The following CDH10 variants were observed in gnomAD, a reference collection of about 807,000 sequenced individuals.
CDH10 encodes cadherin-10.
Under a neutral mutation model 73.1 loss-of-function variants are expected in CDH10, and 30 were observed. The observed-to-expected ratio is 0.41, with a 90% CI of 0.31 to 0.56. CDH10 has a LOEUF of 0.56. Ranked by LOEUF, CDH10 falls within the 20% of genes least tolerant of loss-of-function variation. The pLI is 0.27. For synonymous variants in CDH10, 345 were observed against 348.2 expected, an observed-to-expected ratio of 0.99 and a Z score of 0.10; for missense variants, 815 against 973.7, an observed-to-expected ratio of 0.84 and a Z score of 2.17.
intron 5 of CDH10, among the ~76,000 whole-genome samples, chr5:24,521,319 C>T (rs188810008): frequency 8.5e-5 from 13 of 152,154 alleles, no homozygotes; most frequent in South Asian, 2.1e-4. Flanking sequence ...CCGAGGTGGG[C>T]GGATCACCTG....
At chr5:24,572,401 A>T (rs1320862060) in intron 2 of CDH10, among the ~76,000 whole-genome samples, 1 of 152,142 alleles carries the variant, frequency 6.6e-6, no homozygotes, top group African/African-American at 2.4e-5. Context: ...AGATAGCCGG[A>T]AGCTATCTGC....
At chr5:24,556,906 CTATA>C (rs1455603724) in intron 2 of CDH10, among the ~76,000 whole-genome samples, 2 of 151,578 alleles carry the variant, frequency 1.3e-5, no homozygotes, top group Admixed American at 1.3e-4. Flanking sequence ...AAAAGTATTT[CTATA>C]TATATTCCCA....
Position 24,563,636 on chromosome 5 carries a change from G to A in CDH10, c.232-25962C>T, listed in dbSNP as rs11738017. ...AAAAAAATTAGCCGGCGTGGTGGCC[G>A]GCAGGCGCCTGTGGTCCCAGCTACT... On this transcript the variant is annotated intron_variant, in intron 2 of 11. Transcript: ENST00000264463. 3.8e-3 allele frequency among the ~76,000 whole-genome samples: 551 copies of A among 145,586 alleles called. 4 individuals carry two copies. Among genetic ancestry groups the A allele is most frequent in the African/African-American group, 0.012 (501 of 40,102 alleles).
intron 2 of CDH10, among the ~76,000 whole-genome samples, chr5:24,582,992 TGTA>T (rs879743274): frequency 6.6e-6 from 1 of 152,140 alleles, no homozygotes; most frequent in Non-Finnish European, 1.5e-5. Flanking sequence ...GGTTTCTACT[TGTA>T]GTCATATTTC....
intron 2 of CDH10, among the ~76,000 whole-genome samples, chr5:24,541,825 T>C (rs1180471656): frequency 6.6e-6 from 1 of 152,118 alleles, no homozygotes; most frequent in Non-Finnish European, 1.5e-5. Context: ...GTGTTCCTTG[T>C]AAATTCACAA....
intron 2 of CDH10, among the ~76,000 whole-genome samples, chr5:24,570,730 G>T (rs1745346231): frequency 6.6e-6 from 1 of 151,920 alleles, no homozygotes; most frequent in East Asian, 1.9e-4. Flanking sequence ...AAAACTGTCT[G>T]TATGAAATAT....
At chr5:24,607,060 T>C (rs1201794418) in intron 1 of CDH10, among the ~76,000 whole-genome samples, 1 of 152,172 alleles carries the variant, frequency 6.6e-6, no homozygotes, top group Non-Finnish European at 1.5e-5. Flanking sequence ...GAACTTTATT[T>C]CCTCAGCTTG....
intron 2 of CDH10, among the ~76,000 whole-genome samples, chr5:24,541,524 A>AAGAG (rs1222420624): frequency 1.3e-5 from 2 of 152,064 alleles, no homozygotes; most frequent in African/African-American, 4.8e-5. Context: ...TATTGAACGA[A>AAGAG]AGAGTTTACA....
At chr5:24,493,580 G>T (rs915990490) in intron 9 of CDH10, among the ~76,000 whole-genome samples, 1 of 151,802 alleles carries the variant, frequency 6.6e-6, no homozygotes, top group African/African-American at 2.4e-5. Flanking sequence ...TCAGATCACT[G>T]CTTTGGACAT....
chr5:24,497,380 C>T (rs1173959428), intron 9 of CDH10, among the ~76,000 whole-genome samples: 2 of 151,536 alleles, frequency 1.3e-5, no homozygotes, highest in African/African-American at 2.4e-5. Flanking sequence ...ATTTTTGGGG[C>T]GTGCACTGTT....
chr5:24,586,213 C>T (rs1208348742), intron 2 of CDH10, among the ~76,000 whole-genome samples: 2 of 152,022 alleles, frequency 1.3e-5, no homozygotes, highest in Non-Finnish European at 2.9e-5. Flanking sequence ...CATTTAATAG[C>T]TTTATGTAAT....
intron 5 of CDH10, among the ~76,000 whole-genome samples, chr5:24,521,194 T>C (rs763419939): frequency 6.6e-6 from 1 of 152,118 alleles, no homozygotes; most frequent in Non-Finnish European, 1.5e-5. Context: ...ACGGCTAATG[T>C]TGGAGTCATC....
chr5:24,631,444 A>C (rs943208240), intron 1 of CDH10, among the ~76,000 whole-genome samples: 19 of 152,054 alleles, frequency 1.2e-4, no homozygotes, highest in Non-Finnish European at 1.9e-4. Flanking sequence ...ATTAAGAAAA[A>C]TATATTTCAG....
chr5:24,620,781 C>T (rs1430346725), intron 1 of CDH10, among the ~76,000 whole-genome samples: 3 of 151,916 alleles, frequency 2.0e-5, no homozygotes, highest in African/African-American at 7.3e-5. Flanking sequence ...GGTGCCCATA[C>T]CAGTCTGTAT....
At chr5:24,493,274 T>G (rs1742131354) in intron 9 of CDH10, among the ~76,000 whole-genome samples, 2 of 151,960 alleles carry the variant, frequency 1.3e-5, no homozygotes, top group African/African-American at 4.8e-5. Context: ...TTTAGGAAAT[T>G]ATTGTGACTA....
At chr5:24,492,172 T>C (rs1448958808) in intron 10 of CDH10, among the ~76,000 whole-genome samples, 2 of 152,216 alleles carry the variant, frequency 1.3e-5, no homozygotes, top group Non-Finnish European at 2.9e-5. Context: ...AGAAAAACCA[T>C]ACTAAATGTG....
chr5:24,622,175 GA>G (rs1279408722), intron 1 of CDH10, among the ~76,000 whole-genome samples: 1 of 152,132 alleles, frequency 6.6e-6, no homozygotes, highest in Admixed American at 6.6e-5. Flanking sequence ...CAGTTAGAAC[GA>G]AGACTTCAGA....
intron 2 of CDH10, among the ~76,000 whole-genome samples, chr5:24,583,147 A>C (rs186515724): frequency 6.6e-6 from 1 of 152,124 alleles, no homozygotes; most frequent in East Asian, 1.9e-4. Context: ...CTACTCAAAA[A>C]GAGAAAAACA....
At chr5:24,499,009 G>A (rs923081926) in intron 8 of CDH10, among the ~76,000 whole-genome samples, 6 of 152,180 alleles carry the variant, frequency 3.9e-5, no homozygotes, top group Non-Finnish European at 4.4e-5. Flanking sequence ...GGACCTGAGC[G>A]GGTTGCCCGA....
Sources: allele counts gnomAD v4.1 joint callset (sites outside exome capture counted in the v4.1 genomes callset), GRCh38; gene constraint gnomAD v4.1.1; transcripts MANE v1.5; gene names NCBI Gene and HGNC (gene_info 2026-07-23, HGNC 2026-07-21).